The following DIP2C variants were observed in gnomAD, a reference collection of about 807,000 sequenced individuals.
DIP2C encodes the protein DIP2 acetate--CoA ligase C (putative).
Under a neutral mutation model 192.4 loss-of-function variants are expected in DIP2C, and 33 were observed. The observed-to-expected ratio is 0.17, with a 90% confidence interval of 0.13 to 0.23. The LOEUF (loss-of-function observed/expected upper bound fraction) is 0.23, where lower values mean the gene tolerates loss of function less well. DIP2C is among the 10% of genes least tolerant of loss of function. The pLI is 1.00. For missense variants in DIP2C, 1,537 were observed against 2,110.1 expected (o/e 0.73, Z 5.32); for synonymous variants, 979 against 864.1 (o/e 1.13, Z -2.33).
intron 1 of DIP2C, among the ~76,000 whole-genome samples, chr10:566,852 G>C (rs1419067483): frequency 6.6e-6 from 1 of 152,246 alleles, no homozygotes; most frequent in Non-Finnish European, 1.5e-5. Context: ...GCGTGCCACA[G>C]AGACATCTCA....
At position 422,653 on chromosome 10, in the gene DIP2C, G is replaced by C. The variant is rs184140907; in HGVS notation, c.604+171C>G. Among the ~76,000 whole-genome samples, 9 of 152,354 alleles carry C rather than the reference G, an allele frequency of 5.9e-5. No individual in the cohort carries two copies. The East Asian group carries it at 1.3e-3, about 23-fold the overall frequency. ...GCAGCTGTGGGAGGGACCTGGGCAT[G>C]AGAAGTGTAAAGCAGCTTCCAGAAA... is the stretch of plus-strand genomic sequence containing the variant. On this transcript the variant is annotated intron_variant, in intron 5 of 36. Transcript: ENST00000280886.
chr10:603,146 T>G (rs1852205129), intron 1 of DIP2C, among the ~76,000 whole-genome samples: 1 of 151,800 alleles, frequency 6.6e-6, no homozygotes, highest in African/African-American at 2.4e-5. Context: ...TCTGCAGAGT[T>G]TTCATATACT....
intron 1 of DIP2C, among the ~76,000 whole-genome samples, chr10:525,140 C>T (rs1024286285): frequency 6.6e-6 from 1 of 152,116 alleles, no homozygotes; most frequent in Admixed American, 6.5e-5. Context: ...TTCTTAAATG[C>T]ATCACAGCCC....
At chr10:573,793 G>C (rs1849974678) in intron 1 of DIP2C, among the ~76,000 whole-genome samples, 1 of 152,004 alleles carries the variant, frequency 6.6e-6, no homozygotes, top group Non-Finnish European at 1.5e-5. Flanking sequence ...AATTGTGTAA[G>C]AGAAAGAAAC....
chr10:662,823 T>C (rs1456465035), intron 1 of DIP2C: 1 of 717,242 alleles, frequency 1.4e-6, no homozygotes. Flanking sequence ...CTGCGATGGC[T>C]GTGGTTGAGG....
At chr10:429,026 G>A (rs1966769058) in intron 4 of DIP2C, among the ~76,000 whole-genome samples, 1 of 151,980 alleles carries the variant, frequency 6.6e-6, no homozygotes, top group African/African-American at 2.4e-5. Flanking sequence ...TGTCACAACT[G>A]ATGCTTCTAC....
Position 672,298 on chromosome 10 carries a change from C to T in DIP2C, c.85+17196G>A, listed in dbSNP as rs185049035. 9.8e-5 allele frequency among the ~76,000 whole-genome samples: 15 copies of T among 152,336 alleles called. 1 individual carries two copies. The East Asian group carries it at 2.9e-3, about 29-fold the overall frequency. ...GCACGGAGAAAACAGGCCACACACG[C>T]ACGCATGGAGAAAACGCCACAGACC... On this transcript the variant is annotated intron_variant, in intron 1 of 36. Coordinates refer to ENST00000280886, the MANE Select transcript of DIP2C (RefSeq NM_014974.3).
At chr10:366,545 G>C in intron 18 of DIP2C, 134 bp from the exon 19 acceptor site, 1 of 1,226,592 alleles carries the variant, frequency 8.2e-7, no homozygotes, top group South Asian at 1.5e-5. Context: ...ACGGATGGTA[G>C]TCAGCCAGGC....
Position 644,970 on chromosome 10 carries a change from G to A in DIP2C, c.85+44524C>T, listed in dbSNP as rs571582977. Among the ~76,000 whole-genome samples, 8 of 152,350 alleles carry A rather than the reference G, an allele frequency of 5.3e-5. No individual in the cohort carries two copies. In the South Asian group the frequency reaches 1.7e-3, roughly 32 times the overall value. Reference sequence around the variant, plus strand: ...TGAGATGGGGAGGACTGTGAGGAAGGTGAGAAAGGGACTGAGGACCTGAAG... The same window carrying A: ...TGAGATGGGGAGGACTGTGAGGAAGATGAGAAAGGGACTGAGGACCTGAAG... On this transcript the variant is annotated intron_variant, in intron 1 of 36. Coordinates refer to ENST00000280886, the MANE Select transcript of DIP2C (RefSeq NM_014974.3).
chr10:583,092 T>C (rs1588519046), intron 1 of DIP2C, among the ~76,000 whole-genome samples: 1 of 152,178 alleles, frequency 6.6e-6, no homozygotes, highest in South Asian at 2.1e-4. Flanking sequence ...CAAGAATCAG[T>C]GACTACTTTT....
At position 345,076 on chromosome 10, in the gene DIP2C, A is replaced by G. The variant is rs779958240; in HGVS notation, c.3266T>C (p.Leu1089Pro). The G allele has an allele frequency of 6.2e-7, 1 of 1,613,396 alleles. No homozygotes were observed. The highest frequency in any genetic ancestry group is 8.5e-7 in the Non-Finnish European group (1 of 1,179,952). ...SRSACLMTTQ[L>P]ICKLLRSREA... Reference sequence around the variant, plus strand: ...CCTGGACCGCAGCAACTTACAGATCAGCTGTGTCGTCATCAGACAGGCAGA... The same window carrying G: ...CCTGGACCGCAGCAACTTACAGATCGGCTGTGTCGTCATCAGACAGGCAGA... Residue 1089 changes from leucine (L) to proline (P), a missense_variant, in exon 27 of 37, where the codon CTG (leucine) becomes CCG (proline). Around this residue, in one of 4 missense-constraint regions of DIP2C, gnomAD observed 677 missense variants for 989.9 expected, o/e 0.68. Coordinates refer to ENST00000280886, the MANE Select transcript of DIP2C (RefSeq NM_014974.3).
chr10:409,253 TAAA>T (rs1170925446), intron 8 of DIP2C, among the ~76,000 whole-genome samples: 4 of 148,214 alleles, frequency 2.7e-5, no homozygotes, highest in East Asian at 2.0e-4. Context: ...AGAATGAAAA[TAAA>T]AAAGCTAAAA....
Position 475,465 on chromosome 10 carries a change from C to A in DIP2C, c.158-2916G>T, listed in dbSNP as rs553333879. On this transcript the variant is annotated intron_variant, in intron 2 of 36. Coordinates refer to ENST00000280886, the MANE Select transcript of DIP2C (RefSeq NM_014974.3). ...CACCTATCTGGTCCACTCAAACAGG[C>A]TTCCTGTGATTACCTCCAACCCTAA... is the stretch of plus-strand genomic sequence containing the variant. 3.9e-5 allele frequency among the ~76,000 whole-genome samples: 6 copies of A among 152,284 alleles called. No homozygotes were observed. The East Asian group carries it at 9.7e-4, about 25-fold the overall frequency.
chr10:632,416 C>T (rs985182935), intron 1 of DIP2C, among the ~76,000 whole-genome samples: 6 of 146,646 alleles, frequency 4.1e-5, no homozygotes, highest in African/African-American at 1.0e-4. Context: ...CGGCCAGCAC[C>T]GTAACTGGAG....
chr10:417,633 C>CGAATAGGCCTCCCTGTCCGCCTGTGCCTG lies in DIP2C; in HGVS notation c.739+1431_739+1432insCAGGCACAGGCGGACAGGGAGGCCTATTC, dbSNP rs1564684400. ...CCCTGTCTGCCTGCGCCTGTCAGGG[C>CGAATAGGCCTCCCTGTCCGCCTGTGCCTG]TCGGATAGGCCTCCCTGTCCACCTG... On this transcript the variant is annotated intron_variant, in intron 6 of 36. Coordinates refer to ENST00000280886, the MANE Select transcript of DIP2C (RefSeq NM_014974.3). 4.5e-3 allele frequency among the ~76,000 whole-genome samples: 41 copies of CGAATAGGCCTCCCTGTCCGCCTGTGCCTG among 9,046 alleles called. 1 individual carries two copies. Among genetic ancestry groups the CGAATAGGCCTCCCTGTCCGCCTGTGCCTG allele is most frequent in the Admixed American group, 0.012 (8 of 684 alleles). The allele number at this position is 9,046 out of a possible 152,430, so 5.9% of individuals were successfully genotyped here. A position where few individuals can be genotyped will look rare whatever the true frequency, so the allele number is the denominator to read the frequency against.
intron 3 of DIP2C, among the ~76,000 whole-genome samples, chr10:457,458 C>T (rs1239753083): frequency 6.6e-6 from 1 of 152,162 alleles, no homozygotes; most frequent in Non-Finnish European, 1.5e-5. Flanking sequence ...GTCAGGAACC[C>T]AATCCAATGA....
At chr10:356,404 G>C (rs1466950643) in intron 24 of DIP2C, 22 bp downstream of exon 24, 1 of 1,609,418 alleles carries the variant, frequency 6.2e-7, no homozygotes. Context: ...AGTAGCCAGG[G>C]AAGGCCAGCT....
rs1173447026 is a variant in DIP2C at position 422,945 on chromosome 10, C to G, written c.483G>C (p.Glu161Asp). ...CGTGGATGGCCTGGCTGATCCAGTG[C>G]TCCATATTGATGCTGCCCTGGCTGG... ...PTSSQGSINM[E>D]HWISQAIHGS... is the part of the protein sequence containing the mutation. The change falls in exon 5 of 37, where the codon GAG becomes GAC. Residue 161 changes from glutamate (E) to aspartate (D), a missense_variant. Physicochemically the swap from Glu to Asp is conservative, Grantham distance 45. Coordinates refer to ENST00000280886, the MANE Select transcript of DIP2C (RefSeq NM_014974.3). 6.2e-7 allele frequency: 1 copy of G among 1,614,184 alleles called. No individual in the cohort carries two copies. Among genetic ancestry groups the G allele is most frequent in the South Asian group, 1.1e-5 (1 of 91,080 alleles).
At chr10:352,939 A>G (rs1283450537) in intron 24 of DIP2C, among the ~76,000 whole-genome samples, 1 of 152,004 alleles carries the variant, frequency 6.6e-6, no homozygotes, top group Non-Finnish European at 1.5e-5. Flanking sequence ...CCATTTTCCC[A>G]TGAACTCCGT....
Sources: allele counts gnomAD v4.1 joint callset (sites outside exome capture counted in the v4.1 genomes callset), GRCh38; gene constraint gnomAD v4.1.1; regional missense constraint gnomAD v4.1.1; transcripts MANE v1.5; gene names NCBI Gene and HGNC (gene_info 2026-07-23, HGNC 2026-07-21).